The following PRRC2B variants were observed in gnomAD, a reference collection of about 807,000 sequenced individuals.
The protein encoded by PRRC2B is proline rich coiled-coil 2B, also known as protein PRRC2B.
Under a neutral mutation model 242.3 loss-of-function variants are expected in PRRC2B, and 68 were observed. That is an observed-to-expected ratio of 0.28 (90% CI 0.23 to 0.34). PRRC2B has a LOEUF of 0.34. PRRC2B is among the 10% of genes least tolerant of loss of function. The pLI, the probability that PRRC2B is intolerant of heterozygous loss-of-function variation, is 1.00. For synonymous variants in PRRC2B, 1,228 were observed against 1,173.6 expected (o/e 1.05, Z -0.95); for missense variants, 2,835 against 2,954.8 (o/e 0.96, Z 0.94).
intron 29 of PRRC2B, 98 bp from the exon 30 acceptor site, chr9:131,492,071 T>C (rs1412661850): frequency 1.5e-5 from 14 of 919,614 alleles, no homozygotes; most frequent in Admixed American, 9.3e-5. Context: ...GGAATTCCCA[T>C]GGCCCTCACC....
At position 131,483,441 on chromosome 9, in the gene PRRC2B, G is replaced by C; in HGVS notation, c.5456G>C (p.Ser1819Thr). 3 of 1,613,746 alleles carry C rather than the reference G, an allele frequency of 1.9e-6. No homozygotes were observed. Among genetic ancestry groups the C allele is most frequent in the Non-Finnish European group, 2.5e-6 (3 of 1,179,762 alleles). Residue 1819 changes from serine to threonine, a missense_variant, in exon 23 of 32, where the codon AGT becomes ACT. This residue lies in a region of PRRC2B where 574 missense variants were observed against 626.0 expected (regional missense o/e 0.92). Coordinates refer to ENST00000683519, the MANE Select transcript of PRRC2B (RefSeq NM_013318.4). Reference sequence around the variant, plus strand: ...GTTAAACTTCAGGATGCCTTGGCCAGTAATGTAAGTCCACACTTCCACTTT... The same window carrying C: ...GTTAAACTTCAGGATGCCTTGGCCACTAATGTAAGTCCACACTTCCACTTT... ...PVVKLQDALASNAGLTQSIPI... is the reference protein window; with the variant it reads ...PVVKLQDALATNAGLTQSIPI...
Position 131,446,393 on chromosome 9 carries a change from A to G in PRRC2B, c.614-8A>G. 1 of 1,612,642 alleles carries G rather than the reference A, an allele frequency of 6.2e-7. No homozygotes were observed. The highest frequency in any genetic ancestry group is 1.1e-5 in the South Asian group (1 of 91,018). On this transcript the variant is annotated splice_region_variant and splice_polypyrimidine_tract_variant and intron_variant, in intron 6 of 31. Coordinates refer to ENST00000683519, the MANE Select transcript of PRRC2B (RefSeq NM_013318.4). This position sits in a 1 kb window ranked among gnomAD's most constrained non-coding sequence, Gnocchi z 4.1. ...CCCTCTCCCCTTTTGCCCCCTTTCAATTTCCAGATGTGACAAGCTGGAGGG... is the reference window on the plus strand; with the variant it reads ...CCCTCTCCCCTTTTGCCCCCTTTCAGTTTCCAGATGTGACAAGCTGGAGGG...
In PRRC2B at chr9:131,487,044, T is replaced by C. The variant is rs1043774598; in HGVS notation, c.5857-123T>C. 2.0e-5 allele frequency: 16 copies of C among 819,618 alleles called. No individual in the cohort carries two copies. The Admixed American group carries it at 2.9e-4, about 15-fold the overall frequency. 50.8% of individuals were successfully genotyped at this position (819,618 alleles called of 1,614,324 possible). On this transcript the variant is annotated intron_variant, in intron 26 of 31. Coordinates refer to ENST00000683519, the MANE Select transcript of PRRC2B (RefSeq NM_013318.4). The surrounding 1 kb of genome is among the most constrained non-coding windows in gnomAD (Gnocchi z 5.3). The stretch of plus-strand genomic sequence containing the variant: ...CAAGGGAAGCCCAGGAATGACATGC[T>C]GGCATTTGAATTTTGGGCAGTGTTC...
chr9:131,432,743 C>G lies in PRRC2B; in HGVS notation c.242C>G (p.Pro81Arg). 6.2e-7 allele frequency: 1 copy of G among 1,614,022 alleles called. No homozygotes were observed. The highest frequency in any genetic ancestry group is 8.5e-7 in the Non-Finnish European group (1 of 1,179,898). The change falls in exon 3 of 32, where the codon CCC becomes CGC. Residue 81 changes from proline to arginine, a missense_variant. Physicochemically the swap from Pro to Arg is moderately radical, Grantham distance 103. Around this residue, in one of 7 missense-constraint regions of PRRC2B, gnomAD observed 626 missense variants for 685.5 expected, o/e 0.91. Transcript: ENST00000683519. ...KGNDPNIVIV[P>R]KDGTGWANKQ... ...AACGACCCCAACATCGTGATAGTAC[C>G]CAAGGACGGGACGGGATGGGCAAAC... is the stretch of plus-strand genomic sequence containing the variant.
chr9:131,475,184 A>G lies in PRRC2B; in HGVS notation c.3055A>G (p.Lys1019Glu). The change falls in exon 16 of 32, where the codon AAA becomes GAA. Residue 1019 changes from lysine to glutamate, a missense_variant. Physicochemically the swap from Lys to Glu is moderately conservative, Grantham distance 56 (BLOSUM62 1). Coordinates refer to ENST00000683519, the MANE Select transcript of PRRC2B (RefSeq NM_013318.4). ...TGCCACTTTTGGCCGCGAGGCCACC[A>G]AATTTGAAGAGGAGGAGAAACCTGA... is the stretch of plus-strand genomic sequence containing the variant. ...GHATFGREAT[K>E]FEEEEKPDKA... 1 of 1,613,628 alleles carries G rather than the reference A, an allele frequency of 6.2e-7. No homozygotes were observed. The highest frequency in any genetic ancestry group is 8.5e-7 in the Non-Finnish European group (1 of 1,179,788).
At chr9:131,390,545 T>C (rs1380382439), upstream of PRRC2B, among the ~76,000 whole-genome samples, 1 of 130,946 alleles carries the variant, frequency 7.6e-6, no homozygotes, top group African/African-American at 2.8e-5. Flanking sequence ...TGCAGTGGTG[T>C]GATCTCAGCT....
At chr9:131,426,791 T>C (rs946199670) in intron 1 of PRRC2B, among the ~76,000 whole-genome samples, 1 of 152,328 alleles carries the variant, frequency 6.6e-6, no homozygotes, top group Middle Eastern at 3.4e-3. Flanking sequence ...CCAGACTCTC[T>C]TACGCCCTCT....
chr9:131,465,138 T>C, intron 12 of PRRC2B, 60 bp downstream of exon 12: 2 of 1,472,838 alleles, frequency 1.4e-6, no homozygotes, highest in South Asian at 2.7e-5. Flanking sequence ...CTCGTCTTGT[T>C]ACTTGCAACT....
intron 9 of PRRC2B, among the ~76,000 whole-genome samples, chr9:131,453,873 G>C (rs943486639): frequency 6.6e-6 from 1 of 152,084 alleles, no homozygotes; most frequent in Admixed American, 6.6e-5. Context: ...TTATATGATT[G>C]ACATAATTGT....
rs1422820060 is a variant in PRRC2B, at chr9:131,492,166, T to C, written c.6382-3T>C. 3.1e-6 allele frequency: 5 copies of C among 1,612,706 alleles called. No homozygotes were observed. The highest frequency in any genetic ancestry group is 2.2e-5 in the East Asian group (1 of 44,860). Reference sequence around the variant, plus strand: ...ACAGCTTGTTCCTGCTTGGTCTCTCTAGCCCTCTCAGATGGAGATGAAAGG... The same window carrying C: ...ACAGCTTGTTCCTGCTTGGTCTCTCCAGCCCTCTCAGATGGAGATGAAAGG... On this transcript the variant is annotated splice_polypyrimidine_tract_variant and splice_region_variant and intron_variant, in intron 29 of 31. Transcript: ENST00000683519.
chr9:131,374,998 TG>T, intron 1 of PRRC2B, among the ~76,000 whole-genome samples: 1 of 152,310 alleles, frequency 6.6e-6, no homozygotes, highest in African/African-American at 2.4e-5. Context: ...GGGCAATTAA[TG>T]TGTAGGTAGA....
intron 2 of PRRC2B, among the ~76,000 whole-genome samples, chr9:131,430,949 A>G (rs984667627): frequency 6.9e-6 from 1 of 145,870 alleles, no homozygotes; most frequent in Non-Finnish European, 1.5e-5. Flanking sequence ...CATTAGTGTT[A>G]TCCTTTTTTT....
At chr9:131,449,462 T>C (rs542012517) in intron 9 of PRRC2B, among the ~76,000 whole-genome samples, 2 of 152,322 alleles carry the variant, frequency 1.3e-5, no homozygotes, top group East Asian at 3.9e-4. Context: ...TTTGTGTTTT[T>C]AATTTTAGTC....
chr9:131,459,525 A>G (rs965248318), intron 11 of PRRC2B, among the ~76,000 whole-genome samples, 169 bp downstream of exon 11: 5 of 152,222 alleles, frequency 3.3e-5, no homozygotes, highest in Non-Finnish European at 1.5e-5. Flanking sequence ...GCTTGTCTCA[A>G]ACTCCAGCTC....
Position 131,483,348 on chromosome 9 carries a change from T to C in PRRC2B, c.5374-11T>C, listed in dbSNP as rs1271217781. The C allele has an allele frequency of 6.2e-7, 1 of 1,613,850 alleles. No homozygotes were observed. The highest frequency in any genetic ancestry group is 1.7e-5 in the Admixed American group (1 of 60,028). On this transcript the variant is annotated splice_polypyrimidine_tract_variant and intron_variant, in intron 22 of 31. Coordinates refer to ENST00000683519, the MANE Select transcript of PRRC2B (RefSeq NM_013318.4). Reference sequence around the variant, plus strand: ...TCTCAGTGGGCTGTGTGGCCTTTTTTATTTTTTCAGGACTCCGATTTCAGC... The same window carrying C: ...TCTCAGTGGGCTGTGTGGCCTTTTTCATTTTTTCAGGACTCCGATTTCAGC...
chr9:131,409,468 G>T (rs1837451369), intron 1 of PRRC2B, among the ~76,000 whole-genome samples: 1 of 152,248 alleles, frequency 6.6e-6, no homozygotes, highest in African/African-American at 2.4e-5. Flanking sequence ...ATAGGTGTGA[G>T]CCACTGCTCC....
intron 11 of PRRC2B, among the ~76,000 whole-genome samples, chr9:131,460,388 TATC>T (rs961463598): frequency 6.6e-5 from 10 of 152,202 alleles, no homozygotes; most frequent in African/African-American, 2.4e-4. Flanking sequence ...AAATTGGGTT[TATC>T]ATCATCTTTC....
intron 1 of PRRC2B, among the ~76,000 whole-genome samples, chr9:131,402,221 G>A (rs1293054880): frequency 6.6e-6 from 1 of 152,186 alleles, no homozygotes; most frequent in Non-Finnish European, 1.5e-5. Context: ...TTCCCAGAGT[G>A]CTGGAATTAC....
At chr9:131,437,207 C>A (rs1838403774) in intron 4 of PRRC2B, among the ~76,000 whole-genome samples, 1 of 152,206 alleles carries the variant, frequency 6.6e-6, no homozygotes, top group South Asian at 2.1e-4. Flanking sequence ...CCTAATGTGA[C>A]TCTCTGAGAA....
Sources: allele counts gnomAD v4.1 joint callset (sites outside exome capture counted in the v4.1 genomes callset), GRCh38; gene constraint gnomAD v4.1.1; regional missense constraint gnomAD v4.1.1; non-coding constraint Gnocchi (gnomAD v3.1); transcripts MANE v1.5; gene names NCBI Gene and HGNC (gene_info 2026-07-23, HGNC 2026-07-21).